The following CNNM4 variants were observed in gnomAD, a reference collection of about 807,000 sequenced individuals.
CNNM4 encodes the protein metal transporter CNNM4.
A neutral mutation model predicts 53.7 loss-of-function variants in CNNM4; 32 were observed. The ratio of observed to expected loss-of-function variants is 0.60; its 90% confidence interval spans 0.45 to 0.80. CNNM4 has a LOEUF of 0.80. Among genes scored for constraint, CNNM4 ranks in the 30% least tolerant of loss-of-function variants. The pLI is 0.00. For synonymous variants in CNNM4, 410 were observed against 440.0 expected (o/e 0.93, Z 0.85); for missense variants, 784 against 1,022.0 (o/e 0.77, Z 3.17).
At chr2:96,799,962 G>C (rs946682017) in intron 5 of CNNM4, among the ~76,000 whole-genome samples, 1 of 152,218 alleles carries the variant, frequency 6.6e-6, no homozygotes, top group African/African-American at 2.4e-5. Context: ...GGAGGCCTGT[G>C]GGGAGGAAGG....
chr2:96,799,656 G>T lies in CNNM4; in HGVS notation c.1948+8G>T, dbSNP rs900494403. 3 of 1,547,312 alleles carry T rather than the reference G, an allele frequency of 1.9e-6. No individual in the cohort carries two copies. The highest frequency in any genetic ancestry group is 2.6e-6 in the Non-Finnish European group (3 of 1,143,138). On this transcript the variant is annotated splice_region_variant and intron_variant, in intron 5 of 6. Coordinates refer to ENST00000377075, the MANE Select transcript of CNNM4 (RefSeq NM_020184.4). ...TGACCTCGGTCCCCTCCGGTGAGTT[G>T]TTGGGCATGGTCTTTGCTGCCCTTT...
rs1251511770 is a variant in CNNM4, at chr2:96,761,580, T to C, written c.581T>C (p.Val194Ala). The C allele has an allele frequency of 1.2e-6, 2 of 1,614,150 alleles. No individual in the cohort carries two copies. The highest frequency in any genetic ancestry group is 2.7e-5 in the African/African-American group (2 of 75,058). Reference protein sequence around the residue: ...LHILLITVLLVLSGIFSGLNL... With the variant: ...LHILLITVLLALSGIFSGLNL... ...ATTCTCCTAATTACGGTGCTGCTGG[T>C]GCTGTCGGGCATATTTTCTGGCCTC... is the stretch of plus-strand genomic sequence containing the variant. Residue 194 changes from valine (V) to alanine (A), a missense_variant, in exon 1 of 7, where the codon GTG becomes GCG. Val to Ala is a moderately conservative substitution (Grantham distance 64). Around this residue, in one of 3 missense-constraint regions of CNNM4, gnomAD observed 473 missense variants for 624.6 expected, o/e 0.76. Transcript: ENST00000377075. This position sits in a 1 kb window ranked among gnomAD's most constrained non-coding sequence, Gnocchi z 6.0.
intron 1 of CNNM4, among the ~76,000 whole-genome samples, chr2:96,776,591 C>T (rs1410317098): frequency 6.6e-6 from 1 of 152,088 alleles, no homozygotes; most frequent in Non-Finnish European, 1.5e-5. Context: ...TATATTTGTA[C>T]CCATTAATAA....
At position 96,787,910 on chromosome 2, in the gene CNNM4, C is replaced by T. The variant is rs148535356; in HGVS notation, c.1403-9102C>T. On this transcript the variant is annotated intron_variant, in intron 1 of 6. Coordinates refer to ENST00000377075, the MANE Select transcript of CNNM4 (RefSeq NM_020184.4). ...TTCTGTCCATTGTTCTCTCCAGTACCGCACTGTTTTTGTTTTGTTTGCTTG... is the reference window on the plus strand; with the variant it reads ...TTCTGTCCATTGTTCTCTCCAGTACTGCACTGTTTTTGTTTTGTTTGCTTG... 9.9e-4 allele frequency among the ~76,000 whole-genome samples: 150 copies of T among 152,184 alleles called. 1 individual carries two copies. Among genetic ancestry groups the T allele is most frequent in the Non-Finnish European group, 1.4e-3 (93 of 68,004 alleles).
At chr2:96,803,440 G>C (rs2079175398) in intron 5 of CNNM4, among the ~76,000 whole-genome samples, 1 of 152,160 alleles carries the variant, frequency 6.6e-6, no homozygotes, top group South Asian at 2.1e-4. Flanking sequence ...AAACCTTGCA[G>C]TTGGCCGTGC....
At position 96,760,950 on chromosome 2, in the gene CNNM4, G is replaced by A; in HGVS notation, c.-50G>A. 1.1e-6 allele frequency: 1 copy of A among 952,086 alleles called. No homozygotes were observed. Among genetic ancestry groups the A allele is most frequent in the Non-Finnish European group, 1.3e-6 (1 of 799,042 alleles). The allele number at this position is 952,086 out of a possible 1,614,324, so 59.0% of individuals were successfully genotyped here. ...GGCCGGAGCTGCGGTGCGGACCGGG[G>A]CCGCGCGGCGTGGCGCGGGGAGCGG... On this transcript the variant is annotated 5_prime_UTR_variant, in exon 1 of 7. Coordinates refer to ENST00000377075, the MANE Select transcript of CNNM4 (RefSeq NM_020184.4).
intron 1 of CNNM4, among the ~76,000 whole-genome samples, chr2:96,778,410 T>C (rs1344383073): frequency 1.3e-5 from 2 of 151,036 alleles, no homozygotes; most frequent in Non-Finnish European, 3.0e-5. Context: ...ACAAAAAAAT[T>C]AGCTGGGCAT....
chr2:96,796,654 G>T (rs1051827568), intron 1 of CNNM4, among the ~76,000 whole-genome samples: 1 of 152,048 alleles, frequency 6.6e-6, no homozygotes, highest in African/African-American at 2.4e-5. Context: ...TCAGCTACTC[G>T]GGAGGCTGAG....
Position 96,809,743 on chromosome 2 carries a change from C to G in CNNM4, c.*226C>G. ...ATAGGGGGGGCAGTGGGCCAGCTAC[C>G]GTAAGCAAAGGCTGTTTTTTACTGA... On this transcript the variant is annotated 3_prime_UTR_variant, in exon 7 of 7. Coordinates refer to ENST00000377075, the MANE Select transcript of CNNM4 (RefSeq NM_020184.4). 2.1e-6 allele frequency: 1 copy of G among 476,154 alleles called. No homozygotes were observed. Among genetic ancestry groups the G allele is most frequent in the Non-Finnish European group, 3.7e-6 (1 of 267,888 alleles). The allele number at this position is 476,154 out of a possible 1,614,324, so 29.5% of individuals were successfully genotyped here.
At chr2:96,773,542 A>C (rs567828173) in intron 1 of CNNM4, among the ~76,000 whole-genome samples, 1 of 152,234 alleles carries the variant, frequency 6.6e-6, no homozygotes, top group African/African-American at 2.4e-5. Flanking sequence ...ACCCACAAAA[A>C]TTTAAAATTA....
chr2:96,768,272 G>A (rs1264803539), intron 1 of CNNM4, among the ~76,000 whole-genome samples: 1 of 152,076 alleles, frequency 6.6e-6, no homozygotes, highest in African/African-American at 2.4e-5. Context: ...CCTCCCATCC[G>A]CACCTGCTTA....
chr2:96,768,987 T>C (rs112748784), intron 1 of CNNM4, among the ~76,000 whole-genome samples: 276 of 152,288 alleles, frequency 1.8e-3, no homozygotes, highest in African/African-American at 6.4e-3. Context: ...TGCGGTGGCT[T>C]ACGCCTGTAA....
At chr2:96,769,809 A>ACCGGTTCT (rs1319771680) in intron 1 of CNNM4, among the ~76,000 whole-genome samples, 1 of 152,162 alleles carries the variant, frequency 6.6e-6, no homozygotes, top group Non-Finnish European at 1.5e-5. Flanking sequence ...GCAGCTTTGC[A>ACCGGTTCT]CCGGTTCTCC....
rs1235106392 is a variant in CNNM4, at chr2:96,811,825, A to G, written c.*2308A>G. ...ACAAAACAATGATATTTGCTAAACG[A>G]TATATGGAATTTATTTTTGATTGGT... On this transcript the variant is annotated 3_prime_UTR_variant, in exon 7 of 7. Coordinates refer to ENST00000377075, the MANE Select transcript of CNNM4 (RefSeq NM_020184.4). The G allele has an allele frequency of 6.6e-6, 1 of 152,554 alleles. No individual in the cohort carries two copies. The highest frequency in any genetic ancestry group is 1.5e-5 in the Non-Finnish European group (1 of 68,024). 9.5% of individuals were successfully genotyped at this position (152,554 alleles called of 1,614,324 possible).
chr2:96,782,318 G>A (rs62152772), intron 1 of CNNM4, among the ~76,000 whole-genome samples: 13,128 of 151,850 alleles, frequency 0.086, 624 homozygotes, highest in Middle Eastern at 0.16. Flanking sequence ...AGGCTGAGGT[G>A]GGAGGATCAT....
At chr2:96,771,819 C>T (rs1215334617) in intron 1 of CNNM4, among the ~76,000 whole-genome samples, 1 of 152,192 alleles carries the variant, frequency 6.6e-6, no homozygotes, top group Non-Finnish European at 1.5e-5. Context: ...ATCCTTATCC[C>T]CATCATCCTT....
chr2:96,773,954 A>G (rs926409330), intron 1 of CNNM4, among the ~76,000 whole-genome samples: 2 of 152,120 alleles, frequency 1.3e-5, no homozygotes, highest in Non-Finnish European at 2.9e-5. Context: ...TTCAGATGCC[A>G]TCTTATCTGA....
intron 1 of CNNM4, among the ~76,000 whole-genome samples, chr2:96,794,834 A>G (rs998312173): frequency 6.6e-6 from 1 of 152,058 alleles, no homozygotes; most frequent in Non-Finnish European, 1.5e-5. Flanking sequence ...TGTCTTCCCC[A>G]TCCTCCACCA....
At chr2:96,777,819 G>C (rs767830040) in intron 1 of CNNM4, among the ~76,000 whole-genome samples, 9 of 151,188 alleles carry the variant, frequency 6.0e-5, no homozygotes, top group Non-Finnish European at 1.3e-4. Flanking sequence ...TGTATTTTTT[G>C]TAGAGAGAGG....
Sources: gnomAD v4.1 joint callset for allele counts (sites outside exome capture counted in the v4.1 genomes callset) on GRCh38, gnomAD v4.1.1 for gene constraint, gnomAD v4.1.1 regional missense constraint, Gnocchi (gnomAD v3.1) non-coding constraint, MANE v1.5 for transcripts, NCBI Gene and HGNC (gene_info 2026-07-23, HGNC 2026-07-21) for gene names.